Variants in ACADM observed in about 807,000 individuals in gnomAD.
ACADM encodes the protein acyl-CoA dehydrogenase medium chain.
ACADM carries 49 observed loss-of-function variants against 58.9 expected under a neutral mutation model. The observed-to-expected ratio is 0.83, with a 90% CI of 0.66 to 1.06. The LOEUF (loss-of-function observed/expected upper bound fraction) is 1.06. Ranked by LOEUF, ACADM falls within the 50% of genes least tolerant of loss-of-function variation. The pLI is 0.00. For missense variants in ACADM, 496 were observed against 507.0 expected, an observed-to-expected ratio of 0.98 and a Z score of 0.21; for synonymous variants, 160 against 157.7, an observed-to-expected ratio of 1.01 and a Z score of -0.11.
chr1:75,727,023 T>C (rs1022446277), intron 1 of ACADM, among the ~76,000 whole-genome samples: 2 of 152,004 alleles, frequency 1.3e-5, no homozygotes, highest in Non-Finnish European at 2.9e-5. Context: ...CAGGCTGGTC[T>C]CAAACCCCTG....
intron 10 of ACADM, among the ~76,000 whole-genome samples, chr1:75,754,561 A>C (rs1247933194): frequency 6.6e-6 from 1 of 152,222 alleles, no homozygotes; most frequent in Non-Finnish European, 1.5e-5. Context: ...GAAAAGGGTC[A>C]GGTTATTCTT....
chr1:75,757,972 AT>A (rs112040721), intron 10 of ACADM, among the ~76,000 whole-genome samples: 39,736 of 152,120 alleles, frequency 0.26, 5,445 homozygotes, highest in Middle Eastern at 0.36. Flanking sequence ...TCATCTGTGA[AT>A]TCCAGTAATT....
rs958629659 is a variant in ACADM at position 75,745,920 on chromosome 1, G to A, written c.708+6G>A. The A allele has an allele frequency of 6.3e-7, 1 of 1,589,750 alleles. No homozygotes were observed. The highest frequency in any genetic ancestry group is 8.6e-7 in the Non-Finnish European group (1 of 1,158,134). On this transcript the variant is annotated splice_donor_region_variant and intron_variant, in intron 8 of 11. Coordinates refer to ENST00000370841, the MANE Select transcript of ACADM (RefSeq NM_000016.6). ...GAATTCAGATTGGGAGAAAGGTAAAGTATTTATTAATGATTAGGGCCCCAA... is the reference window on the plus strand; with the variant it reads ...GAATTCAGATTGGGAGAAAGGTAAAATATTTATTAATGATTAGGGCCCCAA...
intron 10 of ACADM, among the ~76,000 whole-genome samples, chr1:75,754,192 T>C (rs1648366402): frequency 1.3e-5 from 2 of 150,622 alleles, no homozygotes; most frequent in African/African-American, 2.4e-5. Flanking sequence ...GTGTGCCCTT[T>C]GAAACTTCAG....
At chr1:75,728,158 G>T (rs1310926647) in intron 1 of ACADM, among the ~76,000 whole-genome samples, 2 of 152,130 alleles carry the variant, frequency 1.3e-5, no homozygotes, top group South Asian at 2.1e-4. Flanking sequence ...CTCCACTTCA[G>T]TAGTATAAAT....
At chr1:75,733,201 C>A in intron 4 of ACADM, 1 of 1,601,870 alleles carries the variant, frequency 6.2e-7, no homozygotes, top group Non-Finnish European at 8.5e-7. Context: ...TTCCTATCTT[C>A]TATATTACAT....
chr1:75,753,171 G>A (rs17647357), intron 10 of ACADM, among the ~76,000 whole-genome samples: 2,266 of 152,158 alleles, frequency 0.015, 28 homozygotes, highest in Middle Eastern at 0.031. Flanking sequence ...ATGCTGATGA[G>A]CCCAGACTTT....
chr1:75,748,339 T>A (rs1297421679), intron 8 of ACADM, among the ~76,000 whole-genome samples: 1 of 152,194 alleles, frequency 6.6e-6, no homozygotes, highest in African/African-American at 2.4e-5. Context: ...GTAGCTAGTT[T>A]AGTAGTTTCT....
chr1:75,733,528 G>T lies in ACADM; in HGVS notation c.287G>T (p.Gly96Val). Reference protein sequence around the residue: ...LMNTHIPENCGGLGLGTFDAC... With the variant: ...LMNTHIPENCVGLGLGTFDAC... ...GTGTTGAAACATTTTGATACTGTAG[G>T]AGGTCTTGGACTTGGAACTTTTGAT... Residue 96 changes from glycine (G) to valine (V), a missense_variant and splice_region_variant, in exon 5 of 12, where the codon GGA becomes GTA. Gly to Val is a moderately radical substitution (Grantham distance 109). Coordinates refer to ENST00000370841, the MANE Select transcript of ACADM (RefSeq NM_000016.6). 1 of 1,611,656 alleles carries T rather than the reference G, an allele frequency of 6.2e-7. No individual in the cohort carries two copies. The highest frequency in any genetic ancestry group is 8.5e-7 in the Non-Finnish European group (1 of 1,177,866).
intron 5 of ACADM, chr1:75,734,506 A>C (rs897739119): frequency 2.6e-6 from 1 of 380,862 alleles, no homozygotes; most frequent in African/African-American, 2.1e-5. Flanking sequence ...GATCATACAT[A>C]CTGTGTCACA....
rs67063207 is a variant in ACADM, at chr1:75,729,455, G to GTTTT, written c.118+978_118+981dup. Among the ~76,000 whole-genome samples the GTTTT allele has an allele frequency of 3.6e-4, 46 of 129,134 alleles. 3 individuals carry two copies. Among genetic ancestry groups the GTTTT allele is most frequent in the African/African-American group, 1.2e-3 (41 of 33,006 alleles). 84.7% of individuals were successfully genotyped at this position (129,134 alleles called of 152,430 possible). On this transcript the variant is annotated intron_variant, in intron 2 of 11. Coordinates refer to ENST00000370841, the MANE Select transcript of ACADM (RefSeq NM_000016.6). ...CCCAGACCAAATGAAAAGTTTCTGTGTTTTTTTTTTTTTTCCTGTGACTTC... is the reference window on the plus strand; with the variant it reads ...CCCAGACCAAATGAAAAGTTTCTGTGTTTTTTTTTTTTTTTTTTCCTGTGACTTC...
intron 1 of ACADM, among the ~76,000 whole-genome samples, chr1:75,726,798 C>CAA (rs1647064238): frequency 1.4e-5 from 2 of 139,906 alleles, no homozygotes; most frequent in South Asian, 2.3e-4. Context: ...GAAACTGTTT[C>CAA]ACTTTTTTTT....
Position 75,762,889 on chromosome 1 carries a change from C to T in ACADM, c.*126C>T, listed in dbSNP as rs1648933340. 1 of 640,598 alleles carries T rather than the reference C, an allele frequency of 1.6e-6. No individual in the cohort carries two copies. The highest frequency in any genetic ancestry group is 2.8e-6 in the Non-Finnish European group (1 of 359,862). The allele number at this position is 640,598 out of a possible 1,614,324, so 39.7% of individuals were successfully genotyped here. A position where few individuals can be genotyped will look rare whatever the true frequency, so the allele number is the denominator to read the frequency against. ...CTCTTATATTAAATCTAAGCAACTG[C>T]TTATTATAGTAGTTTATACTTTTGC... On this transcript the variant is annotated 3_prime_UTR_variant, in exon 12 of 12. Transcript: ENST00000370841.
chr1:75,759,231 C>G (rs1053499588), intron 10 of ACADM, among the ~76,000 whole-genome samples: 1 of 152,202 alleles, frequency 6.6e-6, no homozygotes, highest in African/African-American at 2.4e-5. Context: ...TTCATGGAGG[C>G]TTCATTACAT....
intron 10 of ACADM, among the ~76,000 whole-genome samples, chr1:75,758,468 C>A (rs771132708): frequency 1.1e-4 from 16 of 152,194 alleles, no homozygotes; most frequent in African/African-American, 3.4e-4. Context: ...GAATCTCACC[C>A]TGTAGGAACC....
chr1:75,731,153 C>T (rs1485201420), intron 2 of ACADM, among the ~76,000 whole-genome samples: 1 of 151,676 alleles, frequency 6.6e-6, no homozygotes, highest in African/African-American at 2.4e-5. Context: ...GTGGCAGGCA[C>T]CTGTAGTCCC....
chr1:75,734,168 T>A (rs1479751089), intron 5 of ACADM, among the ~76,000 whole-genome samples: 2 of 141,738 alleles, frequency 1.4e-5, no homozygotes, highest in Non-Finnish European at 3.1e-5. Context: ...GTATTTTTTT[T>A]TTTTTTTTTT....
chr1:75,752,034 A>AATT (rs1441627908), intron 10 of ACADM, among the ~76,000 whole-genome samples: 2 of 150,528 alleles, frequency 1.3e-5, no homozygotes, highest in Non-Finnish European at 3.0e-5. Context: ...GGTTGCCCAA[A>AATT]TGCGAGTGCA....
In ACADM at chr1:75,760,544, CAAAAAAAAAAAAAAA is replaced by C. The variant is rs59063908; in HGVS notation, c.946-556_946-542del. ...TGGAAAACAAAGTGAGACCCTGTCT[CAAAAAAAAAAAAAAA>C]AAAAAAAAAAAAAAAAAAAAATCAG... is the stretch of plus-strand genomic sequence containing the variant. On this transcript the variant is annotated intron_variant, in intron 10 of 11. Coordinates refer to ENST00000370841, the MANE Select transcript of ACADM (RefSeq NM_000016.6). 9.3e-4 allele frequency among the ~76,000 whole-genome samples: 33 copies of C among 35,488 alleles called. 1 individual carries two copies. The highest frequency in any genetic ancestry group is 6.1e-3 in the South Asian group (3 of 490). 23.3% of individuals were successfully genotyped at this position (35,488 alleles called of 152,430 possible).
Sources: allele counts gnomAD v4.1 joint callset (sites outside exome capture counted in the v4.1 genomes callset), GRCh38; gene constraint gnomAD v4.1.1; transcripts MANE v1.5; gene names NCBI Gene and HGNC (gene_info 2026-07-23, HGNC 2026-07-21).